The following NFE2 variants were observed in gnomAD, a reference collection of about 807,000 sequenced individuals.
The protein encoded by NFE2 is nuclear factor, erythroid 2.
Under a neutral mutation model 25.8 loss-of-function variants are expected in NFE2, and 13 were observed. The observed-to-expected ratio is 0.50, with a 90% CI of 0.33 to 0.80. The LOEUF is 0.80. Among genes scored for constraint, NFE2 ranks in the 30% least tolerant of loss-of-function variants. The probability of loss-of-function intolerance (pLI) is 0.02; values close to 1 mark genes in which losing one functional copy is unlikely to be tolerated. For missense variants in NFE2, 382 were observed against 478.9 expected (o/e 0.80, Z 1.89); for synonymous variants, 204 against 200.2 (o/e 1.02, Z -0.16).
chr12:54,292,587 A>G lies in NFE2; in HGVS notation c.909T>C (p.Asn303=). ...QLERELERLT[N]ERERLLRARG... ...GGGCCCTGAGAAGCCGCTCCCGTTC[A>G]TTGGTCAGCCGCTCCAGCTCCCGCT... The change falls in exon 3 of 3, where the codon AAT becomes AAC. Residue 303 remains asparagine (N), a synonymous_variant. Transcript: ENST00000435572. 2 of 1,614,094 alleles carry G rather than the reference A, an allele frequency of 1.2e-6. No homozygotes were observed. The highest frequency in any genetic ancestry group is 1.7e-6 in the Non-Finnish European group (2 of 1,180,026).
intron 1 of NFE2, among the ~76,000 whole-genome samples, chr12:54,297,096 G>A (rs533196493): frequency 2.6e-5 from 4 of 151,988 alleles, no homozygotes; most frequent in Non-Finnish European, 4.4e-5. Flanking sequence ...GGAAACATGG[G>A]AGAGGGGAAG....
chr12:54,300,733 C>T (rs1226727210), intron 1 of NFE2, 68 bp downstream of exon 1: 1 of 149,608 alleles, frequency 6.7e-6, no homozygotes, highest in East Asian at 2.1e-4. Flanking sequence ...ACCTCCTTCA[C>T]CCCCCAGCCT....
rs192198898 is a variant in NFE2 at position 54,295,000 on chromosome 12, C to T, written c.114+135G>A. ...CAGTGTCTTCCATCCGGATCTTTCC[C>T]TTCCTTTCCCAGTGCCTGGAGCATT... On this transcript the variant is annotated intron_variant, in intron 2 of 2. Coordinates refer to ENST00000435572, the MANE Select transcript of NFE2 (RefSeq NM_001136023.3). The T allele has an allele frequency of 1.3e-4, 87 of 689,990 alleles. No individual in the cohort carries two copies. In the East Asian group the frequency reaches 2.3e-3, roughly 18 times the overall value. The allele number at this position is 689,990 out of a possible 1,614,324, so 42.7% of individuals were successfully genotyped here.
Position 54,295,268 on chromosome 12 carries a change from G to C in NFE2, c.-20C>G, listed in dbSNP as rs752596313. 6.2e-7 allele frequency: 1 copy of C among 1,607,140 alleles called. No homozygotes were observed. The highest frequency in any genetic ancestry group is 8.5e-7 in the Non-Finnish European group (1 of 1,173,758). On this transcript the variant is annotated 5_prime_UTR_variant, in exon 2 of 3. Coordinates refer to ENST00000435572, the MANE Select transcript of NFE2 (RefSeq NM_001136023.3). ...GGACATCCTACTGGGCCAGAGTCTG[G>C]TCCAGGTTCCCGGAAAGCCCAGATG... is the stretch of plus-strand genomic sequence containing the variant.
chr12:54,297,028 T>C (rs1464524697), intron 1 of NFE2, among the ~76,000 whole-genome samples: 2 of 152,108 alleles, frequency 1.3e-5, no homozygotes, highest in Admixed American at 6.6e-5. Flanking sequence ...ATTGTGTCTA[T>C]GTGCACGCAC....
chr12:54,294,647 A>G (rs1262354637), intron 2 of NFE2, among the ~76,000 whole-genome samples: 3 of 152,162 alleles, frequency 2.0e-5, no homozygotes, highest in Non-Finnish European at 4.4e-5. Context: ...CAAAGGCATC[A>G]TTGTCAAGCC....
chr12:54,295,122 C>A lies in NFE2; in HGVS notation c.114+13G>T, dbSNP rs772450687. 1 of 1,609,772 alleles carries A rather than the reference C, an allele frequency of 6.2e-7. No homozygotes were observed. The highest frequency in any genetic ancestry group is 1.7e-5 in the Admixed American group (1 of 59,974). On this transcript the variant is annotated intron_variant, in intron 2 of 2. Coordinates refer to ENST00000435572, the MANE Select transcript of NFE2 (RefSeq NM_001136023.3). ...GACACACGGCCTCCCCTGCCCTATC[C>A]CCCCTTACTCACCTGCAGCTCGGTG...
At chr12:54,298,646 A>C (rs552805350) in intron 1 of NFE2, among the ~76,000 whole-genome samples, 11 of 152,294 alleles carry the variant, frequency 7.2e-5, no homozygotes, top group African/African-American at 2.4e-4. Flanking sequence ...AGGGAGTCAC[A>C]AACTTCATTG....
intron 1 of NFE2, among the ~76,000 whole-genome samples, chr12:54,298,103 C>T (rs996749181): frequency 3.3e-5 from 5 of 152,184 alleles, no homozygotes; most frequent in Admixed American, 1.3e-4. Context: ...GTTCTTTACT[C>T]ACCCCAATCC....
chr12:54,295,462 G>A (rs1282969495), intron 1 of NFE2, 158 bp from the exon 2 acceptor site: 1 of 515,756 alleles, frequency 1.9e-6, no homozygotes, highest in Non-Finnish European at 3.5e-6. Flanking sequence ...CCTTAAGATG[G>A]AAAGTCTTTT....
At chr12:54,293,621 G>A (rs1036491419) in intron 2 of NFE2, among the ~76,000 whole-genome samples, 1 of 152,118 alleles carries the variant, frequency 6.6e-6, no homozygotes, top group Non-Finnish European at 1.5e-5. Context: ...AGGCCAAGGC[G>A]GCAGATCACC....
intron 1 of NFE2, chr12:54,297,827 G>A (rs1944388159): frequency 6.6e-6 from 1 of 152,142 alleles, no homozygotes; most frequent in East Asian, 1.9e-4. Context: ...CACAAAATTA[G>A]TAGGAACTAC....
Position 54,292,834 on chromosome 12 carries a change from T to TC in NFE2, c.661dup (p.Glu221GlyfsTer7), listed in dbSNP as rs770975576. The TC allele has an allele frequency of 3.1e-6, 5 of 1,613,900 alleles. No individual in the cohort carries two copies. Among genetic ancestry groups the TC allele is most frequent in the South Asian group, 1.1e-5 (1 of 91,070 alleles). On this transcript the variant is annotated frameshift_variant, in exon 3 of 3. Coordinates refer to ENST00000435572, the MANE Select transcript of NFE2 (RefSeq NM_001136023.3). LOFTEE classifies it high-confidence loss of function. ...CCGACGTTCATCCCGACTCCCTGCC[T>TC]CCCCCCGTGCAGTGGGCTTAGCCCG...
intron 1 of NFE2, among the ~76,000 whole-genome samples, chr12:54,299,914 C>A (rs540490523): frequency 1.3e-5 from 2 of 151,586 alleles, no homozygotes; most frequent in African/African-American, 4.8e-5. Flanking sequence ...GGAGAACTCC[C>A]GAAGAGAGAG....
chr12:54,294,174 A>G (rs1369859172), intron 2 of NFE2, among the ~76,000 whole-genome samples: 2 of 151,008 alleles, frequency 1.3e-5, no homozygotes, highest in African/African-American at 2.4e-5. Flanking sequence ...GAGGCAGGAG[A>G]ATGATGTGAA....
rs1944322499 is a variant in NFE2, at chr12:54,292,173, C to T, written c.*201G>A. On this transcript the variant is annotated 3_prime_UTR_variant, in exon 3 of 3. Coordinates refer to ENST00000435572, the MANE Select transcript of NFE2 (RefSeq NM_001136023.3). ...GGTGGAGGCTAAAGACCTGAGGAGC[C>T]GAGTCAGGGAAGACAGATTCCAGCC... 5.1e-6 allele frequency: 3 copies of T among 593,278 alleles called. No homozygotes were observed. The highest frequency in any genetic ancestry group is 2.8e-5 in the East Asian group (1 of 35,828). The allele number at this position is 593,278 out of a possible 1,614,324, so 36.8% of individuals were successfully genotyped here. A position where few individuals can be genotyped will look rare whatever the true frequency, so the allele number is the denominator to read the frequency against.
chr12:54,296,137 T>A (rs1944369825), intron 1 of NFE2, among the ~76,000 whole-genome samples: 2 of 152,194 alleles, frequency 1.3e-5, no homozygotes, highest in African/African-American at 4.8e-5. Context: ...TCGGGCGCGG[T>A]GGCTCAGGCC....
rs1229311861 is a variant in NFE2 at position 54,292,679 on chromosome 12, G to A, written c.817C>T (p.Arg273Trp). 2 of 1,614,160 alleles carry A rather than the reference G, an allele frequency of 1.2e-6. No individual in the cohort carries two copies. The highest frequency in any genetic ancestry group is 1.7e-6 in the Non-Finnish European group (2 of 1,180,036). Residue 273 changes from arginine (R) to tryptophan (W), a missense_variant, in exon 3 of 3, where the codon CGG becomes TGG. Arg to Trp is a moderately radical substitution (Grantham distance 101). Coordinates refer to ENST00000435572, the MANE Select transcript of NFE2 (RefSeq NM_001136023.3). Reference protein sequence around the residue: ...QLALVRDIRRRGKNKVAAQNC... With the variant: ...QLALVRDIRRWGKNKVAAQNC... ...TGGGCTGCCACCTTGTTTTTGCCCC[G>A]TCGTCGGATGTCCCGGACTAGCGCT...
Position 54,295,277 on chromosome 12 carries a change from C to T in NFE2, c.-29G>A, listed in dbSNP as rs1944361787. ...ACTGGGCCAGAGTCTGGTCCAGGTT[C>T]CCGGAAAGCCCAGATGGCTCTAGAA... On this transcript the variant is annotated 5_prime_UTR_variant, in exon 2 of 3. Coordinates refer to ENST00000435572, the MANE Select transcript of NFE2 (RefSeq NM_001136023.3). The T allele has an allele frequency of 6.3e-7, 1 of 1,588,818 alleles. No homozygotes were observed. Among genetic ancestry groups the T allele is most frequent in the Non-Finnish European group, 8.6e-7 (1 of 1,157,368 alleles).
Sources: gnomAD v4.1 joint callset for allele counts (sites outside exome capture counted in the v4.1 genomes callset) on GRCh38, gnomAD v4.1.1 for gene constraint, MANE v1.5 for transcripts, NCBI Gene and HGNC (gene_info 2026-07-23, HGNC 2026-07-21) for gene names.